STX6: variants seen among roughly 807,000 people sequenced by gnomAD.
The protein encoded by STX6 is syntaxin 6.
A neutral mutation model predicts 38.0 loss-of-function variants in STX6; 23 were observed. The observed-to-expected ratio is 0.60, with a 90% CI of 0.43 to 0.86. The LOEUF is 0.86. Among genes scored for constraint, STX6 ranks in the 40% least tolerant of loss-of-function variants. STX6 has a pLI of 0.00. For missense variants in STX6, 274 were observed against 312.9 expected (o/e 0.88, Z 0.94); for synonymous variants, 123 against 107.5 (o/e 1.14, Z -0.89).
chr1:181,002,438 G>A (rs1472120864), intron 3 of STX6, among the ~76,000 whole-genome samples, 168 bp downstream of exon 3: 1 of 152,104 alleles, frequency 6.6e-6, no homozygotes, highest in African/African-American at 2.4e-5. Flanking sequence ...ACAGGCATGA[G>A]CCACCATGCG....
Position 180,998,135 on chromosome 1 carries a change from C to T in STX6, c.300+4471G>A, listed in dbSNP as rs114796323. Among the ~76,000 whole-genome samples, 608 of 152,286 alleles carry T rather than the reference C, an allele frequency of 4.0e-3. 6 individuals carry two copies. Among genetic ancestry groups the T allele is most frequent in the African/African-American group, 0.014 (562 of 41,536 alleles). On this transcript the variant is annotated intron_variant, in intron 3 of 7. Transcript: ENST00000258301. ...ATTATTCTGAGTTTAGATTCCTTTT[C>T]CTACTTTTACTTCTTGAAAATTTTC...
intron 3 of STX6, among the ~76,000 whole-genome samples, chr1:180,996,308 G>A (rs1010664870): frequency 8.5e-5 from 13 of 152,082 alleles, no homozygotes; most frequent in Admixed American, 5.2e-4. Flanking sequence ...TCCACACAAT[G>A]CAGTATTATA....
In STX6 at chr1:181,002,689, C is replaced by G. The variant is rs746490129; in HGVS notation, c.217G>C (p.Ala73Pro). Residue 73 changes from alanine to proline, a missense_variant, in exon 3 of 8, where the codon GCA becomes CCA. Ala to Pro is a conservative substitution (Grantham distance 27, BLOSUM62 -1). Transcript: ENST00000258301. ...TCAAGGTTAAATTTTCTAGGATTTGCTTCAACTATGCGTAGGTCAAAAAGT... is the reference window on the plus strand; with the variant it reads ...TCAAGGTTAAATTTTCTAGGATTTGGTTCAACTATGCGTAGGTCAAAAAGT... ...DLDETISIVEANPRKFNLDAT... is the reference protein window; with the variant it reads ...DLDETISIVEPNPRKFNLDAT... 1 of 1,612,770 alleles carries G rather than the reference C, an allele frequency of 6.2e-7. No homozygotes were observed. The highest frequency in any genetic ancestry group is 8.5e-7 in the Non-Finnish European group (1 of 1,179,002).
Position 180,984,674 on chromosome 1 carries a change from T to A in STX6, c.691+3A>T. ...ATGCTTAAGCTTTAAACGCCATACA[T>A]ACCACTGGTCATATGAGATACTTTT... On this transcript the variant is annotated splice_donor_region_variant and intron_variant, in intron 7 of 7. Coordinates refer to ENST00000258301, the MANE Select transcript of STX6 (RefSeq NM_005819.6). The A allele has an allele frequency of 7.0e-7, 1 of 1,426,600 alleles. No homozygotes were observed. Among genetic ancestry groups the A allele is most frequent in the Non-Finnish European group, 9.9e-7 (1 of 1,011,288 alleles). The allele number at this position is 1,426,600 out of a possible 1,614,324, so 88.4% of individuals were successfully genotyped here.
intron 2 of STX6, 107 bp from the exon 3 acceptor site, chr1:181,002,807 T>C: frequency 1.4e-6 from 1 of 721,478 alleles, no homozygotes; most frequent in Admixed American, 2.4e-5. Context: ...GGCTCAAACT[T>C]TCTGAAAACA....
At chr1:180,997,057 G>C (rs3930261) in intron 3 of STX6, among the ~76,000 whole-genome samples, 46,126 of 152,058 alleles carry the variant, frequency 0.3, 7,563 homozygotes, top group Non-Finnish European at 0.36. Flanking sequence ...GAGGGAAACA[G>C]CATGATCTTT....
At chr1:181,018,958 T>C (rs1028997507) in intron 1 of STX6, among the ~76,000 whole-genome samples, 2 of 152,230 alleles carry the variant, frequency 1.3e-5, no homozygotes, top group African/African-American at 4.8e-5. Context: ...ATTTGAAGCC[T>C]GAGTACACCA....
rs1048392969 is a variant in STX6 at position 181,022,146 on chromosome 1, G to C, written c.35+493C>G. 6.8e-5 allele frequency among the ~76,000 whole-genome samples: 10 copies of C among 147,994 alleles called. No homozygotes were observed. The Admixed American group carries it at 6.9e-4, about 10-fold the overall frequency. The stretch of plus-strand genomic sequence containing the variant: ...AACGTGCTCAGACGCCTCTGGGCTT[G>C]TTGTGGTCTCGCCAGTCTGCGGACA... On this transcript the variant is annotated intron_variant, in intron 1 of 7. Coordinates refer to ENST00000258301, the MANE Select transcript of STX6 (RefSeq NM_005819.6).
At chr1:181,015,993 T>C (rs1465917136) in intron 1 of STX6, among the ~76,000 whole-genome samples, 1 of 152,254 alleles carries the variant, frequency 6.6e-6, no homozygotes, top group African/African-American at 2.4e-5. Context: ...TCAGAAGATC[T>C]GGGTTTGAAC....
In STX6 at chr1:180,988,270, G is replaced by A. The variant is rs776825589; in HGVS notation, c.565C>T (p.Arg189Cys). Residue 189 changes from arginine (R) to cysteine (C), a missense_variant, in exon 6 of 8, where the codon CGC (arginine) becomes TGC (cysteine). Physicochemically the swap from Arg to Cys is radical, Grantham distance 180. Coordinates refer to ENST00000258301, the MANE Select transcript of STX6 (RefSeq NM_005819.6). ...SIGVLKNMSQ[R>C]IGGELEEQAV... Reference sequence around the variant, plus strand: ...TGTTCCTCCAGCTCCCCTCCGATGCGCTGGGACATGTTCTTCAGCACCCCG... The same window carrying A: ...TGTTCCTCCAGCTCCCCTCCGATGCACTGGGACATGTTCTTCAGCACCCCG... 1.4e-5 allele frequency: 22 copies of A among 1,613,742 alleles called. No individual in the cohort carries two copies. The highest frequency in any genetic ancestry group is 8.0e-5 in the African/African-American group (6 of 74,884).
At chr1:180,978,927 A>T (rs765637680) in intron 7 of STX6, among the ~76,000 whole-genome samples, 3 of 152,268 alleles carry the variant, frequency 2.0e-5, no homozygotes, top group Non-Finnish European at 2.9e-5. Context: ...GGCACACTAA[A>T]GGAAAAAGCA....
intron 1 of STX6, among the ~76,000 whole-genome samples, chr1:181,011,631 C>G (rs1216084573): frequency 6.6e-6 from 1 of 152,202 alleles, no homozygotes; most frequent in East Asian, 1.9e-4. Context: ...CCAAGTAAGT[C>G]AATTCATAAA....
chr1:180,985,530 G>A (rs897351753), intron 6 of STX6, among the ~76,000 whole-genome samples: 1 of 152,218 alleles, frequency 6.6e-6, no homozygotes, highest in Non-Finnish European at 1.5e-5. Flanking sequence ...TAACATCCCT[G>A]ATGGGGTGTG....
chr1:181,000,829 TAAA>T (rs1656058721), intron 3 of STX6, among the ~76,000 whole-genome samples: 1 of 142,478 alleles, frequency 7.0e-6, no homozygotes, highest in Admixed American at 7.3e-5. Flanking sequence ...AGGCCCCACT[TAAA>T]TATTAACGTC....
Position 180,977,151 on chromosome 1 carries a change from G to A in STX6, c.692-505C>T, listed in dbSNP as rs1655278525. Among the ~76,000 whole-genome samples, 8 of 152,342 alleles carry A rather than the reference G, an allele frequency of 5.3e-5. No individual in the cohort carries two copies. In the South Asian group the frequency reaches 1.4e-3, roughly 28 times the overall value. On this transcript the variant is annotated intron_variant, in intron 7 of 7. Transcript: ENST00000258301. ...AAAGCAAGCTCCAGTGAGACAGCAT[G>A]ATTAATTTCACACCACACCTAGTCA...
chr1:181,012,304 C>T lies in STX6; in HGVS notation c.36-6841G>A, dbSNP rs189374969. ...AAAGAGAAAGACGGCTATCTCCACACATCAAGCAAATCTTGCGCTATCCGT... is the reference window on the plus strand; with the variant it reads ...AAAGAGAAAGACGGCTATCTCCACATATCAAGCAAATCTTGCGCTATCCGT... On this transcript the variant is annotated intron_variant, in intron 1 of 7. Transcript: ENST00000258301. Among the ~76,000 whole-genome samples the T allele has an allele frequency of 3.0e-3, 459 of 152,344 alleles. 6 individuals carry two copies. The highest frequency in any genetic ancestry group is 0.014 in the Middle Eastern group (4 of 294).
Position 181,022,649 on chromosome 1 carries a change from C to T in STX6, c.25G>A (p.Val9Met), listed in dbSNP as rs1656776469. The T allele has an allele frequency of 6.2e-7, 1 of 1,610,798 alleles. No homozygotes were observed. Among genetic ancestry groups the T allele is most frequent in the Non-Finnish European group, 8.5e-7 (1 of 1,178,710 alleles). The change falls in exon 1 of 8, where the codon GTG becomes ATG. Residue 9 changes from valine to methionine, a missense_variant. Transcript: ENST00000258301. Reference protein sequence around the residue: MSMEDPFFVVKGEVQKAVN... With the variant: MSMEDPFFMVKGEVQKAVN... ...TCGGCCGACACTCACCCTTTCACCA[C>T]AAAGAAGGGGTCCTCCATGGACATG... is the stretch of plus-strand genomic sequence containing the variant.
intron 4 of STX6, among the ~76,000 whole-genome samples, chr1:180,991,167 C>T (rs996309078): frequency 3.9e-5 from 6 of 152,152 alleles, no homozygotes; most frequent in African/African-American, 1.4e-4. Flanking sequence ...TCTCAGACTG[C>T]GAGGGGTGAA....
At chr1:181,009,743 A>G (rs537895767) in intron 1 of STX6, among the ~76,000 whole-genome samples, 2 of 152,304 alleles carry the variant, frequency 1.3e-5, no homozygotes, top group Admixed American at 1.3e-4. Context: ...TTGTTTCTTG[A>G]ACATATATTT....
Sources: gnomAD v4.1 joint callset for allele counts (sites outside exome capture counted in the v4.1 genomes callset) on GRCh38, gnomAD v4.1.1 for gene constraint, MANE v1.5 for transcripts, NCBI Gene and HGNC (gene_info 2026-07-23, HGNC 2026-07-21) for gene names.